ZNF704: variants seen among roughly 807,000 people sequenced by gnomAD.
ZNF704 encodes the protein glucocorticoid induced gene 1.
Under a neutral mutation model 44.7 loss-of-function variants are expected in ZNF704, and 10 were observed. That is an observed-to-expected ratio of 0.22 (90% CI 0.14 to 0.38). The LOEUF is 0.38. ZNF704 is among the 10% of genes least tolerant of loss of function. ZNF704 has a pLI of 1.00. For synonymous variants in ZNF704, 211 were observed against 207.6 expected (o/e 1.02, Z -0.14); for missense variants, 390 against 545.5 (o/e 0.71, Z 2.84).
At chr8:80,773,775 A>G (rs1266026031) in intron 2 of ZNF704, among the ~76,000 whole-genome samples, 2 of 152,176 alleles carry the variant, frequency 1.3e-5, no homozygotes, top group East Asian at 1.9e-4. Context: ...ATAGTTTCTC[A>G]GCAGAGACAT....
At chr8:80,871,976 G>GT (rs754033292) in intron 1 of ZNF704, among the ~76,000 whole-genome samples, 13 of 152,150 alleles carry the variant, frequency 8.5e-5, no homozygotes, top group Non-Finnish European at 1.5e-4. Flanking sequence ...TCATTATTCT[G>GT]TTTTTACGGA....
At chr8:80,836,526 C>T (rs575019175) in intron 1 of ZNF704, among the ~76,000 whole-genome samples, 6 of 152,160 alleles carry the variant, frequency 3.9e-5, no homozygotes, top group African/African-American at 1.4e-4. Flanking sequence ...GCCTGTAATC[C>T]CAGCACTTTG....
At chr8:80,696,393 G>A (rs1477098961) in intron 2 of ZNF704, among the ~76,000 whole-genome samples, 1 of 152,146 alleles carries the variant, frequency 6.6e-6, no homozygotes, top group Non-Finnish European at 1.5e-5. Flanking sequence ...GAATGTTTGA[G>A]ACCAGAAGTG....
Position 80,629,404 on chromosome 8 carries a change from C to T in ZNF704, c.*11962G>A, listed in dbSNP as rs535415538. ...ACCTTAAGTACCAGGTTTAGAAATG[C>T]GTGTTTTTTTCCCCCCGTATTTTAC... On this transcript the variant is annotated 3_prime_UTR_variant, in exon 9 of 9. Transcript: ENST00000327835. 3.3e-5 allele frequency: 5 copies of T among 152,256 alleles called. No homozygotes were observed. Among genetic ancestry groups the T allele is most frequent in the South Asian group, 2.1e-4 (1 of 4,826 alleles). The allele number at this position is 152,256 out of a possible 1,614,324, so 9.4% of individuals were successfully genotyped here. A position where few individuals can be genotyped will look rare whatever the true frequency, so the allele number is the denominator to read the frequency against.
intron 2 of ZNF704, among the ~76,000 whole-genome samples, chr8:80,733,957 C>G (rs993657278): frequency 2.6e-5 from 4 of 152,214 alleles, no homozygotes; most frequent in South Asian, 4.2e-4. Context: ...CCTCAGAAAA[C>G]AAAAGACGAT....
rs1359463709 is a variant in ZNF704 at position 80,634,216 on chromosome 8, A to G, written c.*7150T>C. 3 of 152,216 alleles carry G rather than the reference A, an allele frequency of 2.0e-5. No individual in the cohort carries two copies. Among genetic ancestry groups the G allele is most frequent in the Non-Finnish European group, 4.4e-5 (3 of 68,046 alleles). The allele number at this position is 152,216 out of a possible 1,614,324, so 9.4% of individuals were successfully genotyped here. ...CACAGTGGCCACGGTAGAAAACACT[A>G]AGAAAATTAGGATAACAGTGATTCA... On this transcript the variant is annotated 3_prime_UTR_variant, in exon 9 of 9. Transcript: ENST00000327835.
intron 2 of ZNF704, among the ~76,000 whole-genome samples, chr8:80,759,159 GCTT>G (rs1807086403): frequency 6.6e-6 from 1 of 152,170 alleles, no homozygotes; most frequent in South Asian, 2.1e-4. Context: ...GAGCACAACA[GCTT>G]TTAATGTGAC....
At position 80,636,588 on chromosome 8, in the gene ZNF704, TC is replaced by T. The variant is rs1020543594; in HGVS notation, c.*4777del. On this transcript the variant is annotated 3_prime_UTR_variant, in exon 9 of 9. Coordinates refer to ENST00000327835, the MANE Select transcript of ZNF704 (RefSeq NM_001033723.3). The stretch of plus-strand genomic sequence containing the variant: ...ATGAAACAGTTCCAATATGGAGGAA[TC>T]CCCACAGGTATGAGGAACAGGAACA... The T allele has an allele frequency of 6.6e-6, 1 of 152,190 alleles. No individual in the cohort carries two copies. Among genetic ancestry groups the T allele is most frequent in the African/African-American group, 2.4e-5 (1 of 41,446 alleles). 9.4% of individuals were successfully genotyped at this position (152,190 alleles called of 1,614,324 possible).
At chr8:80,666,954 A>C (rs978270082) in intron 5 of ZNF704, among the ~76,000 whole-genome samples, 1 of 152,006 alleles carries the variant, frequency 6.6e-6, no homozygotes, top group Non-Finnish European at 1.5e-5. Flanking sequence ...TGCTGTGCAG[A>C]AGCTCTTTAT....
At chr8:80,652,270 G>A (rs1817934803) in intron 7 of ZNF704, among the ~76,000 whole-genome samples, 1 of 151,950 alleles carries the variant, frequency 6.6e-6, no homozygotes, top group Non-Finnish European at 1.5e-5. Flanking sequence ...AGAGAAGCAA[G>A]AGCAAACACA....
chr8:80,866,412 C>T (rs1809155876), intron 1 of ZNF704, among the ~76,000 whole-genome samples: 1 of 152,132 alleles, frequency 6.6e-6, no homozygotes, highest in Non-Finnish European at 1.5e-5. Context: ...TATCTCCTAA[C>T]AGAGGGAATG....
chr8:80,875,608 G>A (rs1809346073), upstream of ZNF704, among the ~76,000 whole-genome samples: 1 of 152,126 alleles, frequency 6.6e-6, no homozygotes, highest in Non-Finnish European at 1.5e-5. Flanking sequence ...CCGGCCTTAA[G>A]TCGTATTTCT....
chr8:80,658,073 C>G (rs931010145), intron 7 of ZNF704, among the ~76,000 whole-genome samples: 4 of 152,114 alleles, frequency 2.6e-5, no homozygotes, highest in Non-Finnish European at 5.9e-5. Flanking sequence ...GAGTGATTTC[C>G]CTATACTTCA....
intron 2 of ZNF704, among the ~76,000 whole-genome samples, chr8:80,737,411 G>T (rs1232577575): frequency 6.6e-6 from 1 of 152,212 alleles, no homozygotes; most frequent in South Asian, 2.1e-4. Context: ...GTTGGTAGGG[G>T]AACCTAGTCC....
Position 80,637,401 on chromosome 8 carries a change from C to G in ZNF704, c.*3965G>C, listed in dbSNP as rs1817679553. On this transcript the variant is annotated 3_prime_UTR_variant, in exon 9 of 9. Transcript: ENST00000327835. ...TGTACAATTCTGGCCACTTTTCTCT[C>G]AACCTTTGCAAGTGAATGCTGCACT... 6.6e-6 allele frequency: 1 copy of G among 152,168 alleles called. No homozygotes were observed. Among genetic ancestry groups the G allele is most frequent in the African/African-American group, 2.4e-5 (1 of 41,430 alleles). 9.4% of individuals were successfully genotyped at this position (152,168 alleles called of 1,614,324 possible). A position where few individuals can be genotyped will look rare whatever the true frequency, so the allele number is the denominator to read the frequency against.
At chr8:80,763,609 G>A (rs1807169199) in intron 2 of ZNF704, among the ~76,000 whole-genome samples, 1 of 152,208 alleles carries the variant, frequency 6.6e-6, no homozygotes, top group Admixed American at 6.5e-5. Flanking sequence ...TGTGATGAGA[G>A]GGGCTCCCGT....
chr8:80,737,367 A>G (rs1279145966), intron 2 of ZNF704, among the ~76,000 whole-genome samples: 1 of 152,162 alleles, frequency 6.6e-6, no homozygotes, highest in Non-Finnish European at 1.5e-5. Flanking sequence ...CACTGACATG[A>G]CTGTTGCTAG....
intron 2 of ZNF704, among the ~76,000 whole-genome samples, chr8:80,724,511 G>T (rs1362380300): frequency 6.6e-6 from 1 of 152,114 alleles, no homozygotes; most frequent in Non-Finnish European, 1.5e-5. Context: ...TTCCTGGCAT[G>T]TCTTTAACTC....
chr8:80,706,263 A>C (rs1221479970), intron 2 of ZNF704, among the ~76,000 whole-genome samples: 2 of 152,230 alleles, frequency 1.3e-5, no homozygotes. Context: ...TGGTGATAGC[A>C]GTTATTTCAT....
Sources: allele counts gnomAD v4.1 joint callset (sites outside exome capture counted in the v4.1 genomes callset), GRCh38; gene constraint gnomAD v4.1.1; transcripts MANE v1.5; gene names NCBI Gene and HGNC (gene_info 2026-07-23, HGNC 2026-07-21).